Variants in HLCS observed in about 807,000 individuals in gnomAD.
HLCS encodes the protein biotin--protein ligase.
HLCS carries 53 observed loss-of-function variants against 75.0 expected under a neutral mutation model. That is an observed-to-expected ratio of 0.71 (90% CI 0.57 to 0.89). HLCS has a LOEUF of 0.89. HLCS is among the 40% of genes least tolerant of loss of function. HLCS has a pLI of 0.00. For missense variants in HLCS, 966 were observed against 1,074.0 expected, an observed-to-expected ratio of 0.90 and a Z score of 1.41; for synonymous variants, 431 against 428.6, an observed-to-expected ratio of 1.01 and a Z score of -0.07.
At chr21:36,792,490 T>C (rs1405931166) in intron 6 of HLCS, among the ~76,000 whole-genome samples, 5 of 55,564 alleles carry the variant, frequency 9.0e-5, no homozygotes, top group Non-Finnish European at 1.7e-4. Flanking sequence ...AGGGAAGGGA[T>C]GGAAGGGAAG....
At chr21:36,966,337 C>CACTCCGGGGCTCCCGA (rs1165205124) in intron 1 of HLCS, 107 bp downstream of exon 1, 1 of 457,034 alleles carries the variant, frequency 2.2e-6, no homozygotes, top group East Asian at 1.5e-4. Context: ...CTGAGGGCGC[C>CACTCCGGGGCTCCCGA]ACTCCGGGGC....
intron 6 of HLCS, among the ~76,000 whole-genome samples, chr21:36,830,661 C>T (rs531975839): frequency 6.6e-6 from 1 of 151,672 alleles, no homozygotes; most frequent in South Asian, 2.1e-4. Flanking sequence ...TGATGAAACC[C>T]GAAACCTTGT....
Position 36,754,225 on chromosome 21 carries a change from G to GC in HLCS, c.*20dup. 1.2e-6 allele frequency: 2 copies of GC among 1,612,668 alleles called. No homozygotes were observed. Among genetic ancestry groups the GC allele is most frequent in the Non-Finnish European group, 8.5e-7 (1 of 1,179,426 alleles). ...GATGCATGGGCACGGACAGGCAGCCGCGTCTCGGGGACGCCCGGCATTACC... is the reference window on the plus strand; with the variant it reads ...GATGCATGGGCACGGACAGGCAGCCGCCGTCTCGGGGACGCCCGGCATTACC... On this transcript the variant is annotated 3_prime_UTR_variant, in exon 11 of 11. Coordinates refer to ENST00000674895, the MANE Select transcript of HLCS (RefSeq NM_001352514.2).
chr21:36,843,891 C>A (rs2062705285), intron 6 of HLCS, among the ~76,000 whole-genome samples: 4 of 152,070 alleles, frequency 2.6e-5, no homozygotes. Context: ...ACTTGTAGTA[C>A]CAGCTGTTGG....
chr21:36,856,352 T>C (rs1229798226), intron 6 of HLCS, among the ~76,000 whole-genome samples: 1 of 152,146 alleles, frequency 6.6e-6, no homozygotes, highest in Non-Finnish European at 1.5e-5. Flanking sequence ...AACATCTAGG[T>C]GGGACCCCTA....
Position 36,752,977 on chromosome 21 carries a change from G to C in HLCS, c.*1269C>G, listed in dbSNP as rs1189330910. The C allele has an allele frequency of 6.5e-6, 1 of 152,672 alleles. No homozygotes were observed. Among genetic ancestry groups the C allele is most frequent in the Non-Finnish European group, 1.5e-5 (1 of 68,048 alleles). The allele number at this position is 152,672 out of a possible 1,614,324, so 9.5% of individuals were successfully genotyped here. On this transcript the variant is annotated 3_prime_UTR_variant, in exon 11 of 11. Coordinates refer to ENST00000674895, the MANE Select transcript of HLCS (RefSeq NM_001352514.2). ...TGGACAAAAATTGGCCTTTTAAAAA[G>C]CTGAAAAGTAATGAGTATGATTCAT...
At chr21:36,959,757 T>C (rs1163890606) in intron 2 of HLCS, among the ~76,000 whole-genome samples, 1 of 152,222 alleles carries the variant, frequency 6.6e-6, no homozygotes, top group Non-Finnish European at 1.5e-5. Flanking sequence ...AGAGCTGTTC[T>C]GCCACTCAGT....
At chr21:36,898,360 C>T (rs1184498114) in intron 5 of HLCS, among the ~76,000 whole-genome samples, 1 of 140,096 alleles carries the variant, frequency 7.1e-6, no homozygotes, top group East Asian at 2.2e-4. Context: ...ACAGGAGAAT[C>T]GCTTGAACCT....
intron 1 of HLCS, among the ~76,000 whole-genome samples, chr21:36,963,507 A>C (rs2068416471): frequency 6.6e-6 from 1 of 152,188 alleles, no homozygotes; most frequent in Non-Finnish European, 1.5e-5. Context: ...CACGCCTGTA[A>C]TCCCAGCACT....
At position 36,930,466 on chromosome 21, in the gene HLCS, G is replaced by A; in HGVS notation, c.1438-33C>T. 2.6e-6 allele frequency: 4 copies of A among 1,544,618 alleles called. No individual in the cohort carries two copies. The South Asian group carries it at 4.5e-5, about 17-fold the overall frequency. ...GGAAAGATAGCACTATGTAAACTGA[G>A]GGCACTCACAGGCAATGAGAAAAAC... On this transcript the variant is annotated intron_variant, in intron 4 of 10. Transcript: ENST00000674895.
chr21:36,867,925 G>A (rs955789893), intron 6 of HLCS, among the ~76,000 whole-genome samples: 15 of 152,200 alleles, frequency 9.9e-5, no homozygotes, highest in Admixed American at 8.5e-4. Context: ...TTACGGTTGG[G>A]AGGATCTCTT....
At chr21:36,859,784 G>A (rs77253358) in intron 6 of HLCS, among the ~76,000 whole-genome samples, 2,240 of 152,310 alleles carry the variant, frequency 0.015, 62 homozygotes, top group African/African-American at 0.051. Context: ...CCCAAGGTGG[G>A]CTTCACAAAC....
intron 5 of HLCS, among the ~76,000 whole-genome samples, chr21:36,915,145 A>G (rs1036233860): frequency 1.3e-5 from 2 of 151,932 alleles, no homozygotes; most frequent in East Asian, 3.9e-4. Flanking sequence ...GGGGCAGGGG[A>G]CTCTGGCATG....
At chr21:36,933,976 G>C (rs1487557810) in intron 4 of HLCS, among the ~76,000 whole-genome samples, 1 of 152,126 alleles carries the variant, frequency 6.6e-6, no homozygotes, top group Non-Finnish European at 1.5e-5. Context: ...AGAACTGCTT[G>C]GCTTCACTGT....
intron 8 of HLCS, among the ~76,000 whole-genome samples, chr21:36,762,033 T>C (rs757588773): frequency 3.3e-5 from 5 of 152,214 alleles, no homozygotes; most frequent in Non-Finnish European, 5.9e-5. Flanking sequence ...CATTTCCACA[T>C]GAAGAGGAGG....
chr21:36,813,958 C>T (rs2061584944), intron 6 of HLCS, among the ~76,000 whole-genome samples: 1 of 152,136 alleles, frequency 6.6e-6, no homozygotes. Context: ...GCATTTTCTC[C>T]TCCAAATTTT....
At chr21:36,921,900 T>C (rs1036178257) in intron 5 of HLCS, among the ~76,000 whole-genome samples, 2 of 152,178 alleles carry the variant, frequency 1.3e-5, no homozygotes, top group Non-Finnish European at 2.9e-5. Context: ...TCTCACTCTC[T>C]GGGAGAAATG....
chr21:36,823,926 G>C (rs1174926990), intron 6 of HLCS, among the ~76,000 whole-genome samples: 1 of 152,090 alleles, frequency 6.6e-6, no homozygotes, highest in Non-Finnish European at 1.5e-5. Context: ...ACCAAACAGA[G>C]CACTGATGCC....
chr21:36,966,377 G>GAA, intron 1 of HLCS, 67 bp downstream of exon 1: 2 of 664,362 alleles, frequency 3.0e-6, no homozygotes, highest in Non-Finnish European at 3.7e-6. Flanking sequence ...CGGCGGGGAC[G>GAA]AGGCGCAGGG....
Sources: gnomAD v4.1 joint callset for allele counts (sites outside exome capture counted in the v4.1 genomes callset) on GRCh38, gnomAD v4.1.1 for gene constraint, MANE v1.5 for transcripts, NCBI Gene and HGNC (gene_info 2026-07-23, HGNC 2026-07-21) for gene names.